The following C1orf21 variants were observed in gnomAD, a reference collection of about 807,000 sequenced individuals.
C1orf21 encodes the protein uncharacterized protein C1orf21.
In C1orf21, 3 loss-of-function variants were observed where a neutral mutation model predicts 18.7. That is an observed-to-expected ratio of 0.16 (90% CI 0.07 to 0.42). The LOEUF (loss-of-function observed/expected upper bound fraction) is 0.42. Ranked by LOEUF, C1orf21 falls within the 10% of genes least tolerant of loss-of-function variation. The pLI, the probability that C1orf21 is intolerant of heterozygous loss-of-function variation, is 0.99. For synonymous variants in C1orf21, 41 were observed against 46.4 expected (o/e 0.88, Z 0.47); for missense variants, 104 against 143.6 (o/e 0.72, Z 1.41).
intron 3 of C1orf21, among the ~76,000 whole-genome samples, chr1:184,586,231 G>C (rs1404311247): frequency 6.7e-6 from 1 of 150,356 alleles, no homozygotes; most frequent in Admixed American, 6.6e-5. Context: ...TCATATGATT[G>C]TTGGCTGCAT....
intron 3 of C1orf21, among the ~76,000 whole-genome samples, chr1:184,530,050 T>A (rs1658435524): frequency 6.6e-6 from 1 of 152,232 alleles, no homozygotes; most frequent in Non-Finnish European, 1.5e-5. Flanking sequence ...AATGAACTGA[T>A]GTCTCTAAAA....
At chr1:184,555,904 A>G (rs895801442) in intron 3 of C1orf21, among the ~76,000 whole-genome samples, 8 of 152,308 alleles carry the variant, frequency 5.3e-5, no homozygotes, top group African/African-American at 1.2e-4. Flanking sequence ...CCATCTGGAC[A>G]AAAGGGATCC....
intron 1 of C1orf21, among the ~76,000 whole-genome samples, chr1:184,471,037 C>G (rs1227481965): frequency 6.6e-6 from 1 of 152,116 alleles, no homozygotes; most frequent in Non-Finnish European, 1.5e-5. Context: ...GTTTTCCTCT[C>G]TTGCCTTCTC....
At chr1:184,584,734 C>T (rs934481329) in intron 3 of C1orf21, among the ~76,000 whole-genome samples, 16 of 152,042 alleles carry the variant, frequency 1.1e-4, no homozygotes, top group African/African-American at 3.9e-4. Context: ...TATTATTTAG[C>T]AATGAAAACA....
At chr1:184,467,630 C>T (rs925485750) in intron 1 of C1orf21, among the ~76,000 whole-genome samples, 4 of 152,192 alleles carry the variant, frequency 2.6e-5, no homozygotes, top group African/African-American at 9.7e-5. Context: ...CTAAAAACCA[C>T]CAAGCTGCCA....
At chr1:184,418,560 G>T (rs1656496884) in intron 1 of C1orf21, among the ~76,000 whole-genome samples, 2 of 152,194 alleles carry the variant, frequency 1.3e-5, no homozygotes, top group Admixed American at 1.3e-4. Context: ...GGACTTAGCT[G>T]TCTGACTTGA....
rs530428978 is a variant in C1orf21 at position 184,592,073 on chromosome 1, A to G, written c.266+1258A>G. Among the ~76,000 whole-genome samples the G allele has an allele frequency of 4.6e-5, 7 of 152,306 alleles. No individual in the cohort carries two copies. The East Asian group carries it at 1.2e-3, about 25-fold the overall frequency. On this transcript the variant is annotated intron_variant, in intron 4 of 5. Coordinates refer to ENST00000235307, the MANE Select transcript of C1orf21 (RefSeq NM_030806.4). ...AAGAGATATAAGGAAATGAAAAGGC[A>G]TTAAATTCAGAATATTAGTTATTTC...
intron 3 of C1orf21, among the ~76,000 whole-genome samples, chr1:184,588,128 A>G (rs1659383698): frequency 6.6e-6 from 1 of 152,202 alleles, no homozygotes; most frequent in African/African-American, 2.4e-5. Flanking sequence ...TCTCTATTTT[A>G]AAAATATATA....
intron 3 of C1orf21, among the ~76,000 whole-genome samples, chr1:184,581,688 A>G (rs1659279222): frequency 6.6e-6 from 1 of 152,188 alleles, no homozygotes; most frequent in South Asian, 2.1e-4. Context: ...ATGACTTTTA[A>G]TAAATTTGTT....
At chr1:184,428,484 A>T (rs1041417200) in intron 1 of C1orf21, among the ~76,000 whole-genome samples, 2 of 152,178 alleles carry the variant, frequency 1.3e-5, no homozygotes, top group African/African-American at 4.8e-5. Context: ...GATGGGAGAG[A>T]GAAAGAACAT....
At chr1:184,397,200 A>G (rs2101955109) in intron 1 of C1orf21, among the ~76,000 whole-genome samples, 1 of 152,368 alleles carries the variant, frequency 6.6e-6, no homozygotes, top group Admixed American at 6.5e-5. Flanking sequence ...AAGTAAAACA[A>G]ATCTAAAGAC....
At chr1:184,605,991 A>G (rs1310909120) in intron 5 of C1orf21, among the ~76,000 whole-genome samples, 3 of 152,212 alleles carry the variant, frequency 2.0e-5, no homozygotes, top group Non-Finnish European at 4.4e-5. Flanking sequence ...GTGCCTTCCT[A>G]CGGTACAAAT....
intron 1 of C1orf21, among the ~76,000 whole-genome samples, chr1:184,462,272 G>A (rs1657317553): frequency 6.6e-6 from 1 of 152,244 alleles, no homozygotes; most frequent in Non-Finnish European, 1.5e-5. Flanking sequence ...GGTTAAAGAT[G>A]CTGGCTAATT....
intron 3 of C1orf21, among the ~76,000 whole-genome samples, chr1:184,582,698 TA>T (rs1430962011): frequency 6.6e-6 from 1 of 152,206 alleles, no homozygotes; most frequent in Non-Finnish European, 1.5e-5. Flanking sequence ...CTAAGTGGGA[TA>T]AAAAAGGTAA....
intron 1 of C1orf21, among the ~76,000 whole-genome samples, chr1:184,450,412 A>G (rs1174244534): frequency 2.0e-5 from 3 of 152,164 alleles, no homozygotes; most frequent in Non-Finnish European, 4.4e-5. Context: ...GCCACTCATG[A>G]TAGAATAAGC....
chr1:184,555,911 A>T (rs1328811979), intron 3 of C1orf21, among the ~76,000 whole-genome samples: 3 of 152,172 alleles, frequency 2.0e-5, no homozygotes, highest in African/African-American at 7.2e-5. Flanking sequence ...GACAAAAGGG[A>T]TCCCTGAGGA....
At chr1:184,614,633 G>A (rs767781515) in intron 5 of C1orf21, among the ~76,000 whole-genome samples, 12 of 152,144 alleles carry the variant, frequency 7.9e-5, no homozygotes, top group Non-Finnish European at 1.5e-4. Context: ...CATTTATTGT[G>A]CACTTAATTT....
chr1:184,575,660 G>A (rs1188455757), intron 3 of C1orf21, among the ~76,000 whole-genome samples: 2 of 144,604 alleles, frequency 1.4e-5, no homozygotes, highest in African/African-American at 5.1e-5. Context: ...CATAATACAT[G>A]CAACAGAATC....
chr1:184,441,118 A>G (rs915303760), intron 1 of C1orf21, among the ~76,000 whole-genome samples: 1 of 152,210 alleles, frequency 6.6e-6, no homozygotes, highest in Non-Finnish European at 1.5e-5. Flanking sequence ...TCTTTTGGTT[A>G]GTGGAAATTT....
Sources: allele counts gnomAD v4.1 joint callset (sites outside exome capture counted in the v4.1 genomes callset), GRCh38; gene constraint gnomAD v4.1.1; transcripts MANE v1.5; gene names NCBI Gene and HGNC (gene_info 2026-07-23, HGNC 2026-07-21).